Variants in SWT1 observed in about 807,000 individuals in gnomAD.
SWT1 encodes the protein transcriptional protein SWT1.
SWT1 carries 33 observed loss-of-function variants against 107.3 expected under a neutral mutation model. The observed-to-expected ratio is 0.31, with a 90% CI of 0.23 to 0.41. The LOEUF (loss-of-function observed/expected upper bound fraction) is 0.41, where lower values mean the gene tolerates loss of function less well. Ranked by LOEUF, SWT1 falls within the 10% of genes least tolerant of loss-of-function variation. The probability of loss-of-function intolerance (pLI) is 1.00; values close to 1 mark genes in which losing one functional copy is unlikely to be tolerated. For synonymous variants in SWT1, 345 were observed against 348.3 expected (o/e 0.99, Z 0.11); for missense variants, 898 against 1,028.9 (o/e 0.87, Z 1.74).
chr1:185,212,425 A>G (rs930951246), intron 13 of SWT1, among the ~76,000 whole-genome samples: 3 of 152,116 alleles, frequency 2.0e-5, no homozygotes, highest in African/African-American at 7.2e-5. Context: ...TGGCAGCTCT[A>G]ACTGCCATTA....
At position 185,222,048 on chromosome 1, in the gene SWT1, G is replaced by T; in HGVS notation, c.2309+12G>T. ...ATATATCAGAACAGGTACTAAATTTGGGGGAATTTTTTTTTAGTTATTTTT... is the reference window on the plus strand; with the variant it reads ...ATATATCAGAACAGGTACTAAATTTTGGGGAATTTTTTTTTAGTTATTTTT... On this transcript the variant is annotated intron_variant, in intron 15 of 18. Transcript: ENST00000367500. 1 of 1,471,398 alleles carries T rather than the reference G, an allele frequency of 6.8e-7. No homozygotes were observed. 91.1% of individuals were successfully genotyped at this position (1,471,398 alleles called of 1,614,324 possible).
At position 185,190,501 on chromosome 1, in the gene SWT1, C is replaced by A. The variant is rs1454326541; in HGVS notation, c.1430-48C>A. The A allele has an allele frequency of 3.9e-6, 4 of 1,034,010 alleles. 1 individual carries two copies. The South Asian group carries it at 5.3e-5, about 14-fold the overall frequency. 64.1% of individuals were successfully genotyped at this position (1,034,010 alleles called of 1,614,324 possible). A position where few individuals can be genotyped will look rare whatever the true frequency, so the allele number is the denominator to read the frequency against. ...ACAGCCTAGATTATTTCTGTGTCAC[C>A]CACATTTCTAGTGTACTTACTGACT... On this transcript the variant is annotated intron_variant, in intron 9 of 18. Transcript: ENST00000367500.
intron 16 of SWT1, among the ~76,000 whole-genome samples, chr1:185,239,863 T>G (rs140831803): frequency 1.8e-4 from 28 of 152,196 alleles, no homozygotes; most frequent in African/African-American, 6.7e-4. Context: ...AAAGTTTCAT[T>G]TGGAACAAAA....
At chr1:185,172,714 GT>G (rs1382284163) in intron 4 of SWT1, among the ~76,000 whole-genome samples, 1 of 152,110 alleles carries the variant, frequency 6.6e-6, no homozygotes, top group Non-Finnish European at 1.5e-5. Flanking sequence ...CCCCTTGCGA[GT>G]ATTTGATGTT....
intron 17 of SWT1, among the ~76,000 whole-genome samples, chr1:185,272,998 A>G (rs1459290646): frequency 6.6e-6 from 1 of 151,614 alleles, no homozygotes; most frequent in Non-Finnish European, 1.5e-5. Context: ...ATACCACTGC[A>G]CTCCAGCCTG....
chr1:185,175,804 G>A (rs142221481), intron 5 of SWT1, among the ~76,000 whole-genome samples: 301 of 152,244 alleles, frequency 2.0e-3, no homozygotes, highest in African/African-American at 5.0e-3. Context: ...CAGTGTCACC[G>A]TGTACCAGGC....
At chr1:185,239,974 AT>A (rs1238922746) in intron 16 of SWT1, among the ~76,000 whole-genome samples, 1 of 152,090 alleles carries the variant, frequency 6.6e-6, no homozygotes, top group African/African-American at 2.4e-5. Context: ...TTAAACTGTC[AT>A]CTTTGCAGAG....
intron 11 of SWT1, among the ~76,000 whole-genome samples, chr1:185,203,481 C>T (rs996429304): frequency 2.6e-5 from 4 of 151,714 alleles, no homozygotes; most frequent in African/African-American, 7.3e-5. Context: ...ATTCGCCGGG[C>T]GTGGTGGCGG....
At chr1:185,259,868 CTTACA>C (rs916180116) in intron 16 of SWT1, among the ~76,000 whole-genome samples, 11 of 152,124 alleles carry the variant, frequency 7.2e-5, no homozygotes, top group African/African-American at 2.7e-4. Flanking sequence ...ATTTATAGTA[CTTACA>C]TTACATTCAT....
intron 16 of SWT1, chr1:185,264,475 T>G: frequency 3.1e-6 from 3 of 983,356 alleles, no homozygotes; most frequent in Non-Finnish European, 3.6e-6. Flanking sequence ...TTTTCAAAGA[T>G]AAGAAATAGA....
intron 16 of SWT1, among the ~76,000 whole-genome samples, chr1:185,238,792 T>C (rs1661067388): frequency 6.6e-6 from 1 of 152,052 alleles, no homozygotes; most frequent in Admixed American, 6.6e-5. Flanking sequence ...TTTTTTCAAG[T>C]GTACATGTAG....
At chr1:185,214,701 T>C in intron 14 of SWT1, 46 bp downstream of exon 14, 3 of 1,515,752 alleles carry the variant, frequency 2.0e-6, no homozygotes, top group South Asian at 2.5e-5. Flanking sequence ...ATTATACATG[T>C]TCTGAAAATG....
chr1:185,201,613 G>A (rs1004185936), intron 10 of SWT1, among the ~76,000 whole-genome samples: 10 of 152,046 alleles, frequency 6.6e-5, no homozygotes, highest in Non-Finnish European at 1.5e-4. Context: ...GAGATGAGTC[G>A]GGTACCTCAG....
chr1:185,213,103 T>C (rs1156378271), intron 13 of SWT1, among the ~76,000 whole-genome samples: 3 of 152,224 alleles, frequency 2.0e-5, no homozygotes, highest in Admixed American at 2.0e-4. Context: ...CTGGATTTAT[T>C]ATTGTTATTA....
At chr1:185,265,614 A>G (rs1049674270) in intron 16 of SWT1, among the ~76,000 whole-genome samples, 2 of 152,218 alleles carry the variant, frequency 1.3e-5, no homozygotes, top group Admixed American at 6.5e-5. Context: ...TTCTGCTTCC[A>G]TCCATTCACC....
intron 10 of SWT1, among the ~76,000 whole-genome samples, chr1:185,202,072 A>G (rs1657928815): frequency 6.6e-6 from 1 of 152,102 alleles, no homozygotes; most frequent in South Asian, 2.1e-4. Flanking sequence ...CACAGATACG[A>G]TCATGTCATT....
intron 1 of SWT1, 38 bp from the exon 2 acceptor site, chr1:185,160,795 T>G: frequency 6.9e-7 from 1 of 1,452,284 alleles, no homozygotes; most frequent in Non-Finnish European, 9.5e-7. Flanking sequence ...TCTTTTTGAG[T>G]GCAAAAACAA....
chr1:185,281,128 A>G (rs1664592068), intron 18 of SWT1: 1 of 249,376 alleles, frequency 4.0e-6, no homozygotes. Flanking sequence ...AATGCCAGAG[A>G]AAGAATATTT....
rs12041704 is a variant in SWT1 at position 185,271,342 on chromosome 1, A to G, written c.2461A>G (p.Asn821Asp). ...TTTTAGGATTTTGGCCCCAAACAGTAATTATCAAGATGTTGAGACCCTCTA... is the reference window on the plus strand; with the variant it reads ...TTTTAGGATTTTGGCCCCAAACAGTGATTATCAAGATGTTGAGACCCTCTA... Reference protein sequence around the residue: ...GIQRILAPNSNYQDVETLYNF... With the variant: ...GIQRILAPNSDYQDVETLYNF... Residue 821 changes from asparagine (N) to aspartate (D), a missense_variant, in exon 17 of 19, where the codon AAT becomes GAT. Asn to Asp is a conservative substitution (Grantham distance 23). Around this residue, in one of 6 missense-constraint regions of SWT1, gnomAD observed 382 missense variants for 460.0 expected, o/e 0.83. Transcript: ENST00000367500. 0.4 allele frequency: 602,215 copies of G among 1,500,418 alleles called. 123,874 individuals are homozygous for G. Among genetic ancestry groups the G allele is most frequent in the South Asian group, 0.46 (40,124 of 87,612 alleles). 92.9% of individuals were successfully genotyped at this position (1,500,418 alleles called of 1,614,324 possible). A position where few individuals can be genotyped will look rare whatever the true frequency, so the allele number is the denominator to read the frequency against.
Sources: allele counts gnomAD v4.1 joint callset (sites outside exome capture counted in the v4.1 genomes callset), GRCh38; gene constraint gnomAD v4.1.1; regional missense constraint gnomAD v4.1.1; transcripts MANE v1.5; gene names NCBI Gene and HGNC (gene_info 2026-07-23, HGNC 2026-07-21).